The following THRB variants were observed in gnomAD, a reference collection of about 807,000 sequenced individuals.
THRB encodes thyroid hormone receptor beta.
Under a neutral mutation model 47.8 loss-of-function variants are expected in THRB, and 12 were observed. The observed-to-expected ratio is 0.25, with a 90% CI of 0.16 to 0.41. The LOEUF (loss-of-function observed/expected upper bound fraction) is 0.41. THRB is among the 10% of genes least tolerant of loss of function. THRB has a pLI of 1.00. For missense variants in THRB, 348 were observed against 589.2 expected (o/e 0.59, Z 4.24); for synonymous variants, 218 against 212.2 (o/e 1.03, Z -0.24).
intron 5 of THRB, among the ~76,000 whole-genome samples, chr3:24,182,797 G>C (rs2149487130): frequency 6.6e-6 from 1 of 152,320 alleles, no homozygotes; most frequent in African/African-American, 2.4e-5. Context: ...ACCTCGGACT[G>C]TATAAGTAGA....
At chr3:24,161,153 G>A (rs1375573084) in intron 5 of THRB, among the ~76,000 whole-genome samples, 2 of 152,224 alleles carry the variant, frequency 1.3e-5, no homozygotes, top group East Asian at 1.9e-4. Context: ...CTTTTGTACA[G>A]TGAATATGTT....
At chr3:24,438,174 C>T (rs1324298567) in intron 1 of THRB, among the ~76,000 whole-genome samples, 2 of 151,842 alleles carry the variant, frequency 1.3e-5, no homozygotes, top group Admixed American at 6.6e-5. Flanking sequence ...CATGGCTACC[C>T]GGCTTCATTC....
intron 1 of THRB, among the ~76,000 whole-genome samples, chr3:24,405,462 T>C (rs961686279): frequency 1.3e-5 from 2 of 151,964 alleles, no homozygotes; most frequent in Admixed American, 6.6e-5. Flanking sequence ...AAAAAGTTTG[T>C]GGGCCTTTGG....
At chr3:24,330,424 A>C (rs1175380861) in intron 2 of THRB, among the ~76,000 whole-genome samples, 1 of 152,246 alleles carries the variant, frequency 6.6e-6, no homozygotes, top group Admixed American at 6.5e-5. Context: ...CAGACATTCA[A>C]GGTATATAAA....
intron 3 of THRB, among the ~76,000 whole-genome samples, chr3:24,263,179 A>ACTGC (rs2052263249): frequency 6.6e-6 from 1 of 152,154 alleles, no homozygotes; most frequent in Non-Finnish European, 1.5e-5. Flanking sequence ...GCATTCTTCC[A>ACTGC]ATCCCACCTT....
chr3:24,327,964 A>T (rs6783399), intron 2 of THRB, among the ~76,000 whole-genome samples: 42,651 of 151,832 alleles, frequency 0.28, 7,034 homozygotes, highest in African/African-American at 0.44. Context: ...AAAAATCATT[A>T]AAAAAAATCA....
At chr3:24,358,048 A>G (rs2063809073) in intron 1 of THRB, among the ~76,000 whole-genome samples, 2 of 152,164 alleles carry the variant, frequency 1.3e-5, no homozygotes, top group Non-Finnish European at 1.5e-5. Context: ...ATTCACTACT[A>G]TATCCTTAGC....
At chr3:24,320,921 C>T (rs1232462253) in intron 2 of THRB, among the ~76,000 whole-genome samples, 1 of 152,070 alleles carries the variant, frequency 6.6e-6, no homozygotes, top group Non-Finnish European at 1.5e-5. Context: ...AAGGAGGAAG[C>T]TAGCAAAGAA....
At chr3:24,233,599 G>GAAAGAAAGAAAGAAAGAAAAAT (rs1559684642) in intron 3 of THRB, among the ~76,000 whole-genome samples, 45 of 150,906 alleles carry the variant, frequency 3.0e-4, no homozygotes, top group East Asian at 1.6e-3. Context: ...AAGAAAGAAA[G>GAAAGAAAGAAAGAAAGAAAAAT]AAAGAAAGAA....
intron 7 of THRB, chr3:24,144,231 C>T (rs2035812190): frequency 5.6e-6 from 1 of 178,336 alleles, no homozygotes. Context: ...AAAAGGACCC[C>T]AACTCTTCAT....
At chr3:24,357,939 A>G (rs755097591) in intron 1 of THRB, among the ~76,000 whole-genome samples, 1 of 152,082 alleles carries the variant, frequency 6.6e-6, no homozygotes, top group East Asian at 1.9e-4. Context: ...TTTCCCTTGC[A>G]GATTTATCAC....
chr3:24,144,889 G>A (rs143590218), intron 7 of THRB: 2 of 152,036 alleles, frequency 1.3e-5, no homozygotes, highest in African/African-American at 4.8e-5. Context: ...TCTTGATGAA[G>A]GTGTGACCTG....
intron 7 of THRB, among the ~76,000 whole-genome samples, chr3:24,145,791 C>A (rs1310916923): frequency 1.3e-5 from 2 of 152,098 alleles, no homozygotes; most frequent in African/African-American, 4.8e-5. Flanking sequence ...AAAATCCTCA[C>A]TGTATTTTCT....
At chr3:24,379,127 A>G (rs2065510797) in intron 1 of THRB, among the ~76,000 whole-genome samples, 3 of 152,198 alleles carry the variant, frequency 2.0e-5, no homozygotes, top group African/African-American at 7.2e-5. Flanking sequence ...TTCGATGCAT[A>G]TATGTAAATA....
At chr3:24,290,527 C>T (rs1277684679) in intron 3 of THRB, among the ~76,000 whole-genome samples, 1 of 152,216 alleles carries the variant, frequency 6.6e-6, no homozygotes, top group Non-Finnish European at 1.5e-5. Context: ...AAGTTCCTCC[C>T]TAGTTATATT....
intron 5 of THRB, among the ~76,000 whole-genome samples, chr3:24,153,232 C>T (rs961855850): frequency 1.3e-5 from 2 of 152,158 alleles, no homozygotes; most frequent in Admixed American, 6.5e-5. Flanking sequence ...CGGGAGATGA[C>T]GAAGTCCTTG....
chr3:24,353,435 A>C (rs751633499), intron 1 of THRB, among the ~76,000 whole-genome samples: 1 of 152,164 alleles, frequency 6.6e-6, no homozygotes, highest in Non-Finnish European at 1.5e-5. Flanking sequence ...TCGCACAAAG[A>C]AATGAGGCTG....
At position 24,132,620 on chromosome 3, in the gene THRB, C is replaced by T. The variant is rs116730415; in HGVS notation, c.885+696G>A. Among the ~76,000 whole-genome samples, 960 of 152,300 alleles carry T rather than the reference C, an allele frequency of 6.3e-3. 15 individuals carry two copies. Among genetic ancestry groups the T allele is most frequent in the African/African-American group, 0.022 (928 of 41,562 alleles). On this transcript the variant is annotated intron_variant, in intron 9 of 10. Transcript: ENST00000646209. ...CTGACTGTAGAGACTGTGGCATCAG[C>T]CACCACAGGGCAGGCCTGATAAAGT...
At chr3:24,324,794 G>A (rs2058704472) in intron 2 of THRB, among the ~76,000 whole-genome samples, 1 of 152,196 alleles carries the variant, frequency 6.6e-6, no homozygotes, top group African/African-American at 2.4e-5. Context: ...TGCTAAATGG[G>A]ATATGCTCAA....
Sources: gnomAD v4.1 joint callset for allele counts (sites outside exome capture counted in the v4.1 genomes callset) on GRCh38, gnomAD v4.1.1 for gene constraint, MANE v1.5 for transcripts, NCBI Gene and HGNC (gene_info 2026-07-23, HGNC 2026-07-21) for gene names.